The following CC2D2B variants were observed in gnomAD, a reference collection of about 807,000 sequenced individuals.
CC2D2B encodes the protein coiled-coil and C2 domain containing 2B.
Under a neutral mutation model 161.2 loss-of-function variants are expected in CC2D2B, and 128 were observed. That is an observed-to-expected ratio of 0.79 (90% CI 0.69 to 0.92). The LOEUF is 0.92. Ranked by LOEUF, CC2D2B falls within the 40% of genes least tolerant of loss-of-function variation. The pLI is 0.00. For synonymous variants in CC2D2B, 391 were observed against 449.8 expected, an observed-to-expected ratio of 0.87 and a Z score of 1.65; for missense variants, 1,173 against 1,375.1, an observed-to-expected ratio of 0.85 and a Z score of 2.32.
chr10:95,925,962 T>A (rs1038202949), intron 5 of CC2D2B, among the ~76,000 whole-genome samples: 6 of 152,164 alleles, frequency 3.9e-5, no homozygotes, highest in African/African-American at 1.4e-4. Context: ...ACTAATAGTT[T>A]CTGCCACAAG....
At chr10:95,995,123 T>G (rs906436010) in intron 22 of CC2D2B, 146 bp from the exon 23 acceptor site, 6 of 486,270 alleles carry the variant, frequency 1.2e-5, no homozygotes, top group African/African-American at 1.2e-4. Flanking sequence ...TAACCACACA[T>G]GATAAGACAA....
At chr10:96,001,307 T>G (rs2078484028) in intron 24 of CC2D2B, among the ~76,000 whole-genome samples, 1 of 152,240 alleles carries the variant, frequency 6.6e-6, no homozygotes, top group Non-Finnish European at 1.5e-5. Flanking sequence ...AAAATTTACT[T>G]CTTATTCATA....
intron 6 of CC2D2B, 98 bp from the exon 7 acceptor site, chr10:95,937,893 G>C: frequency 1.4e-6 from 1 of 704,374 alleles, no homozygotes; most frequent in South Asian, 1.9e-5. Flanking sequence ...AGGATCAGAC[G>C]CACAGTTCAC....
intron 6 of CC2D2B, among the ~76,000 whole-genome samples, chr10:95,928,557 T>TCCCCCCCCCCCCCCCCCCCCCCCCC (rs1806127997): frequency 6.6e-6 from 1 of 152,084 alleles, no homozygotes; most frequent in Admixed American, 6.6e-5. Context: ...ATGCCTCCCC[T>TCCCCCCCCCCCCCCCCCCCCCCCCC]CGCCCCCACC....
intron 8 of CC2D2B, 41 bp from the exon 9 acceptor site, chr10:95,938,756 T>C (rs938511180): frequency 2.8e-6 from 2 of 702,574 alleles, no homozygotes. Context: ...GTGACTTATT[T>C]AGCAAAATAT....
At chr10:96,001,816 T>C (rs2078511540) in intron 24 of CC2D2B, among the ~76,000 whole-genome samples, 2 of 152,226 alleles carry the variant, frequency 1.3e-5, no homozygotes, top group Admixed American at 6.5e-5. Flanking sequence ...TAAACAGATA[T>C]TCTTGTTATT....
chr10:96,027,410 A>G, intron 34 of CC2D2B, 21 bp downstream of exon 34: 3 of 1,476,084 alleles, frequency 2.0e-6, no homozygotes, highest in South Asian at 1.3e-5. Flanking sequence ...GATTTAATGC[A>G]TTAATGACAT....
At chr10:95,939,159 T>C (rs2075932763) in intron 9 of CC2D2B, among the ~76,000 whole-genome samples, 1 of 152,124 alleles carries the variant, frequency 6.6e-6, no homozygotes, top group African/African-American at 2.4e-5. Context: ...TGCAAAATTA[T>C]GTATGGTGCT....
At chr10:95,995,218 C>A in intron 22 of CC2D2B, 51 bp from the exon 23 acceptor site, 1 of 1,080,292 alleles carries the variant, frequency 9.3e-7, no homozygotes, top group Non-Finnish European at 1.3e-6. Flanking sequence ...CCTACCAAAA[C>A]TAATATTAAA....
chr10:95,914,645 C>T (rs995159445), intron 2 of CC2D2B, among the ~76,000 whole-genome samples: 2 of 152,176 alleles, frequency 1.3e-5, no homozygotes, highest in Admixed American at 6.5e-5. Context: ...GGCATTTCCC[C>T]TGCTTGCACT....
At chr10:95,965,819 G>A in intron 12 of CC2D2B, 77 bp from the exon 13 acceptor site, 1 of 400,034 alleles carries the variant, frequency 2.5e-6, no homozygotes, top group Non-Finnish European at 4.2e-6. Flanking sequence ...GTGTGTGTGT[G>A]TGTTGGCAAA....
At position 96,033,737 on chromosome 10, in the gene CC2D2B, T is replaced by G. The variant is rs906124456; in HGVS notation, c.*1729T>G. Among the ~76,000 whole-genome samples the G allele has an allele frequency of 6.6e-6, 1 of 152,238 alleles. No homozygotes were observed. Among genetic ancestry groups the G allele is most frequent in the Non-Finnish European group, 1.5e-5 (1 of 68,040 alleles). ...TTACTTTTTCAATTAAATTTTTTCCTGAAAATCATGAAATTATCTGTAATG... is the reference window on the plus strand; with the variant it reads ...TTACTTTTTCAATTAAATTTTTTCCGGAAAATCATGAAATTATCTGTAATG... On this transcript the variant is annotated 3_prime_UTR_variant, in exon 35 of 35. Transcript: ENST00000646931.
intron 2 of CC2D2B, 96 bp from the exon 3 acceptor site, chr10:95,921,920 A>T: frequency 1.5e-6 from 1 of 666,740 alleles, no homozygotes; most frequent in East Asian, 3.0e-5. Context: ...TGTTGTGCAC[A>T]TGTACCCTAG....
intron 9 of CC2D2B, among the ~76,000 whole-genome samples, chr10:95,942,680 T>C (rs555100831): frequency 1.3e-5 from 2 of 152,286 alleles, no homozygotes; most frequent in South Asian, 4.1e-4. Flanking sequence ...TGTTTTTAAA[T>C]GTCATATAAC....
chr10:95,958,108 T>C (rs1034049883), intron 11 of CC2D2B, among the ~76,000 whole-genome samples: 1 of 141,320 alleles, frequency 7.1e-6, no homozygotes, highest in African/African-American at 2.6e-5. Context: ...ATCTACCAGA[T>C]AAAGACTTGA....
At chr10:95,998,995 C>T (rs2078349126) in intron 24 of CC2D2B, among the ~76,000 whole-genome samples, 1 of 152,040 alleles carries the variant, frequency 6.6e-6, no homozygotes, top group Non-Finnish European at 1.5e-5. Context: ...GCAGGAGAAT[C>T]GCTTGAACTC....
chr10:95,976,808 G>A (rs548355930), intron 17 of CC2D2B, among the ~76,000 whole-genome samples: 1 of 152,342 alleles, frequency 6.6e-6, no homozygotes, highest in Admixed American at 6.5e-5. Flanking sequence ...GAGTGCAATG[G>A]TGCAATCTCG....
At chr10:95,929,244 G>C (rs1040911987) in intron 6 of CC2D2B, among the ~76,000 whole-genome samples, 1 of 151,758 alleles carries the variant, frequency 6.6e-6, no homozygotes, top group East Asian at 1.9e-4. Context: ...TTTTTGATGG[G>C]GTTGTTTTTT....
rs143438393 is a variant in CC2D2B, at chr10:95,980,064, C to T, written c.1944-1911C>T. ...CAGAAACAAGATGTAAATGTCAGGG[C>T]TGCATTAGATAGACAACAACCAAAG... On this transcript the variant is annotated intron_variant, in intron 17 of 34. Transcript: ENST00000646931. Among the ~76,000 whole-genome samples, 938 of 152,248 alleles carry T rather than the reference C, an allele frequency of 6.2e-3. 4 individuals are homozygous for T. The highest frequency in any genetic ancestry group is 0.021 in the African/African-American group (882 of 41,518).
Sources: allele counts gnomAD v4.1 joint callset (sites outside exome capture counted in the v4.1 genomes callset), GRCh38; gene constraint gnomAD v4.1.1; transcripts MANE v1.5; gene names NCBI Gene and HGNC (gene_info 2026-07-23, HGNC 2026-07-21).